Variants in ZBTB49 observed in about 807,000 individuals in gnomAD.
ZBTB49 encodes zinc finger and BTB domain-containing protein 49.
Under a neutral mutation model 57.5 loss-of-function variants are expected in ZBTB49, and 43 were observed. The ratio of observed to expected loss-of-function variants is 0.75; its 90% confidence interval spans 0.59 to 0.97. ZBTB49 has a LOEUF of 0.97. ZBTB49 is among the 50% of genes least tolerant of loss of function. The pLI, the probability that ZBTB49 is intolerant of heterozygous loss-of-function variation, is 0.00. For synonymous variants in ZBTB49, 369 were observed against 362.1 expected (o/e 1.02, Z -0.22); for missense variants, 938 against 947.7 (o/e 0.99, Z 0.13).
At chr4:4,309,959 C>G (rs1720914362) in intron 4 of ZBTB49, among the ~76,000 whole-genome samples, 1 of 152,150 alleles carries the variant, frequency 6.6e-6, no homozygotes, top group Non-Finnish European at 1.5e-5. Flanking sequence ...AACTCCTGAG[C>G]TAGCTGACTT....
chr4:4,307,364 G>C (rs1187617228), intron 4 of ZBTB49, among the ~76,000 whole-genome samples: 1 of 152,150 alleles, frequency 6.6e-6, no homozygotes, highest in Non-Finnish European at 1.5e-5. Context: ...GCCTGGCCTG[G>C]GGTTCAGAGC....
chr4:4,314,327 G>T (rs1233080706), intron 5 of ZBTB49, among the ~76,000 whole-genome samples: 1 of 152,178 alleles, frequency 6.6e-6, no homozygotes, highest in Non-Finnish European at 1.5e-5. Context: ...TTTGAAATCT[G>T]AACTTTCTGA....
intron 3 of ZBTB49, among the ~76,000 whole-genome samples, chr4:4,303,760 C>CTCTCTCTCTCTG (rs1223289249): frequency 8.2e-6 from 1 of 121,324 alleles, no homozygotes; most frequent in Non-Finnish European, 1.7e-5. Context: ...CTCTCTCTCT[C>CTCTCTCTCTCTG]TGTGTGTGTG....
chr4:4,307,997 C>G (rs1240092845), intron 4 of ZBTB49, among the ~76,000 whole-genome samples: 2 of 152,218 alleles, frequency 1.3e-5, no homozygotes, highest in Admixed American at 6.5e-5. Flanking sequence ...CCACTCCTCT[C>G]TCCTGGCACG....
At chr4:4,318,283 A>G (rs1265344553) in intron 7 of ZBTB49, among the ~76,000 whole-genome samples, 2 of 152,236 alleles carry the variant, frequency 1.3e-5, no homozygotes, top group Admixed American at 6.5e-5. Context: ...CAGTAATTCA[A>G]CTATTGAGAA....
At chr4:4,312,898 C>T (rs1721034553) in intron 4 of ZBTB49, 143 bp from the exon 5 acceptor site, 1 of 896,212 alleles carries the variant, frequency 1.1e-6, no homozygotes, top group Admixed American at 2.6e-5. Context: ...CCCATGGCTT[C>T]TTTTGAGTTG....
chr4:4,293,978 G>T (rs553179486), intron 1 of ZBTB49, among the ~76,000 whole-genome samples: 1 of 152,338 alleles, frequency 6.6e-6, no homozygotes, highest in African/African-American at 2.4e-5. Flanking sequence ...AATCATCGGA[G>T]AATTTGTGGC....
intron 1 of ZBTB49, among the ~76,000 whole-genome samples, chr4:4,297,725 A>G (rs183182014): frequency 1.3e-5 from 2 of 151,210 alleles, no homozygotes; most frequent in African/African-American, 2.4e-5. Context: ...AGTGGGCTCT[A>G]ATCACATCAC....
rs148815035 is a variant in ZBTB49 at position 4,310,834 on chromosome 4, T to C, written c.1303-2207T>C. ...GCGCCCGGCCTACTTGCTAGAATTT[T>C]TATGGACACAACTATAGGTGATTTC... On this transcript the variant is annotated intron_variant, in intron 4 of 7. Transcript: ENST00000337872. 1.8e-3 allele frequency among the ~76,000 whole-genome samples: 269 copies of C among 152,290 alleles called. 1 individual carries two copies. The highest frequency in any genetic ancestry group is 6.2e-3 in the African/African-American group (256 of 41,550).
In ZBTB49 at chr4:4,299,928, T is replaced by C. The variant is rs192160053; in HGVS notation, c.-18T>C. The C allele has an allele frequency of 7.0e-5, 113 of 1,612,532 alleles. 1 individual carries two copies. The Admixed American group carries it at 7.5e-4, about 11-fold the overall frequency. On this transcript the variant is annotated splice_region_variant and 5_prime_UTR_variant, in exon 2 of 8. Transcript: ENST00000337872. ...CGTATCTGTGATTTTTTGCTGTAGGTCACCTGAATGGTTGAGCATGGACCC... is the reference window on the plus strand; with the variant it reads ...CGTATCTGTGATTTTTTGCTGTAGGCCACCTGAATGGTTGAGCATGGACCC...
chr4:4,310,934 G>A (rs1720960941), intron 4 of ZBTB49, among the ~76,000 whole-genome samples: 1 of 152,074 alleles, frequency 6.6e-6, no homozygotes, highest in Non-Finnish European at 1.5e-5. Context: ...TAAAAATATT[G>A]ACTAAAGCTC....
chr4:4,311,280 A>C (rs929239586), intron 4 of ZBTB49, among the ~76,000 whole-genome samples: 2 of 152,264 alleles, frequency 1.3e-5, no homozygotes, highest in African/African-American at 4.8e-5. Context: ...CATTTCATTC[A>C]GAATACATAG....
intron 7 of ZBTB49, among the ~76,000 whole-genome samples, chr4:4,317,087 T>C (rs553618758): frequency 2.2e-4 from 33 of 152,334 alleles, no homozygotes; most frequent in Non-Finnish European, 3.7e-4. Flanking sequence ...CAAATAATTA[T>C]CACAACTGTG....
chr4:4,303,518 G>A (rs2980171), intron 3 of ZBTB49, among the ~76,000 whole-genome samples: 128,570 of 152,066 alleles, frequency 0.85, 54,444 homozygotes, highest in African/African-American at 0.86. Flanking sequence ...TACTTTGAAT[G>A]ATTCTACAAG....
chr4:4,306,234 G>T lies in ZBTB49; in HGVS notation c.1302+50G>T, dbSNP rs766528648. The T allele has an allele frequency of 8.6e-6, 13 of 1,504,112 alleles. No individual in the cohort carries two copies. The African/African-American group carries it at 1.7e-4, about 19-fold the overall frequency. The allele number at this position is 1,504,112 out of a possible 1,614,324, so 93.2% of individuals were successfully genotyped here. A position where few individuals can be genotyped will look rare whatever the true frequency, so the allele number is the denominator to read the frequency against. On this transcript the variant is annotated intron_variant, in intron 4 of 7. Transcript: ENST00000337872. Reference sequence around the variant, plus strand: ...AATAATTGGAAACCTGCAACACAGTGTTTTTTTATTGGAAATAAGACATAC... The same window carrying T: ...AATAATTGGAAACCTGCAACACAGTTTTTTTTTATTGGAAATAAGACATAC...
chr4:4,305,156 A>T (rs890304796), intron 3 of ZBTB49, among the ~76,000 whole-genome samples: 7 of 44,704 alleles, frequency 1.6e-4, no homozygotes, highest in African/African-American at 6.4e-4. Flanking sequence ...GTAATTATTA[A>T]TTTATTATTA....
At chr4:4,292,642 T>G (rs1247515571) in intron 1 of ZBTB49, among the ~76,000 whole-genome samples, 2 of 152,058 alleles carry the variant, frequency 1.3e-5, no homozygotes, top group African/African-American at 4.8e-5. Context: ...CTTTTATGAG[T>G]AGGGTGGAGG....
intron 4 of ZBTB49, among the ~76,000 whole-genome samples, 180 bp from the exon 5 acceptor site, chr4:4,312,861 G>T (rs1471268881): frequency 6.6e-6 from 1 of 152,194 alleles, no homozygotes; most frequent in Admixed American, 6.5e-5. Flanking sequence ...AGGTGGCCAG[G>T]CACTCTGGCT....
intron 1 of ZBTB49, 112 bp from the exon 2 acceptor site, chr4:4,299,815 G>A: frequency 2.3e-6 from 2 of 861,692 alleles, no homozygotes; most frequent in Non-Finnish European, 3.3e-6. Context: ...GTGTGTGAGA[G>A]AGAAACTGTG....
Sources: gnomAD v4.1 joint callset for allele counts (sites outside exome capture counted in the v4.1 genomes callset) on GRCh38, gnomAD v4.1.1 for gene constraint, MANE v1.5 for transcripts, NCBI Gene and HGNC (gene_info 2026-07-23, HGNC 2026-07-21) for gene names.